LINGO2: variants seen among roughly 807,000 people sequenced by gnomAD.
The protein encoded by LINGO2 is leucine rich repeat and Ig domain containing 2.
Under a neutral mutation model 30.6 loss-of-function variants are expected in LINGO2, and 14 were observed. That is an observed-to-expected ratio of 0.46 (90% CI 0.30 to 0.72). The LOEUF (loss-of-function observed/expected upper bound fraction) is 0.72. Ranked by LOEUF, LINGO2 falls within the 30% of genes least tolerant of loss-of-function variation. The pLI is 0.07. For missense variants in LINGO2, 729 were observed against 751.7 expected, an observed-to-expected ratio of 0.97 and a Z score of 0.35; for synonymous variants, 317 against 288.5, an observed-to-expected ratio of 1.10 and a Z score of -1.00.
chr9:28,139,438 C>T (rs929759602), intron 4 of LINGO2, among the ~76,000 whole-genome samples: 2 of 152,194 alleles, frequency 1.3e-5, no homozygotes, highest in African/African-American at 4.8e-5. Context: ...TATTCATCCA[C>T]TTATGACAAC....
the LINGO2 span, among the ~76,000 whole-genome samples, chr9:28,983,706 C>T: frequency 1.3e-5 from 2 of 151,842 alleles, no homozygotes; most frequent in Non-Finnish European, 2.9e-5. Flanking sequence ...GTAACGATTG[C>T]ATCCATACAG....
chr9:28,933,694 A>T, the LINGO2 span, among the ~76,000 whole-genome samples: 11 of 152,164 alleles, frequency 7.2e-5, no homozygotes, highest in African/African-American at 2.4e-4. Flanking sequence ...AGATGCTGCA[A>T]AACCCACAAA....
the LINGO2 span, among the ~76,000 whole-genome samples, chr9:28,695,697 A>G: frequency 6.6e-6 from 1 of 151,712 alleles, no homozygotes; most frequent in Non-Finnish European, 1.5e-5. Context: ...ATATTGTTGA[A>G]TGAACACAGC....
the LINGO2 span, among the ~76,000 whole-genome samples, chr9:28,832,129 T>A: frequency 6.6e-6 from 1 of 152,222 alleles, no homozygotes; most frequent in Non-Finnish European, 1.5e-5. Context: ...TGAATTTAAA[T>A]TTGATTTTTA....
chr9:27,983,055 T>C (rs1014103185), intron 5 of LINGO2, among the ~76,000 whole-genome samples: 6 of 151,710 alleles, frequency 4.0e-5, no homozygotes, highest in Non-Finnish European at 8.8e-5. Context: ...TATGGAAAAA[T>C]AATTTCCTAA....
At chr9:28,962,850 A>G in the LINGO2 span, among the ~76,000 whole-genome samples, 4 of 151,874 alleles carry the variant, frequency 2.6e-5, no homozygotes, top group Admixed American at 2.0e-4. Flanking sequence ...TCCCTTAAAG[A>G]GATTTACCCA....
the LINGO2 span, among the ~76,000 whole-genome samples, chr9:28,800,864 T>A: frequency 2.6e-5 from 4 of 152,114 alleles, no homozygotes; most frequent in African/African-American, 9.7e-5. Flanking sequence ...GAGTATATAG[T>A]TATTTCCCAG....
chr9:28,779,096 C>T, the LINGO2 span, among the ~76,000 whole-genome samples: 1 of 152,178 alleles, frequency 6.6e-6, no homozygotes, highest in Admixed American at 6.5e-5. Flanking sequence ...CTGCCAGTGG[C>T]ATCTGTTGTA....
At chr9:28,263,038 G>A (rs1353178326) in intron 4 of LINGO2, among the ~76,000 whole-genome samples, 1 of 151,962 alleles carries the variant, frequency 6.6e-6, no homozygotes, top group East Asian at 1.9e-4. Context: ...CGTCTCCTAA[G>A]GCTTAAATTA....
At chr9:28,230,080 A>G (rs965098505) in intron 4 of LINGO2, among the ~76,000 whole-genome samples, 2 of 152,002 alleles carry the variant, frequency 1.3e-5, no homozygotes, top group African/African-American at 4.8e-5. Flanking sequence ...TGTGAGAAAA[A>G]TTAAAATAAC....
At chr9:29,030,598 A>G in the LINGO2 span, among the ~76,000 whole-genome samples, 50 of 152,238 alleles carry the variant, frequency 3.3e-4, no homozygotes, top group African/African-American at 1.2e-3. Flanking sequence ...TCCTCAATTC[A>G]AATTTTCTCA....
chr9:28,816,004 G>C, the LINGO2 span, among the ~76,000 whole-genome samples: 2 of 152,144 alleles, frequency 1.3e-5, no homozygotes, highest in Non-Finnish European at 2.9e-5. Flanking sequence ...CCATCCAGTG[G>C]GAGCCTCCTT....
At chr9:28,427,853 A>C (rs1823477649) in intron 2 of LINGO2, among the ~76,000 whole-genome samples, 2 of 152,116 alleles carry the variant, frequency 1.3e-5, no homozygotes, top group Non-Finnish European at 2.9e-5. Flanking sequence ...AAAGCTCCTA[A>C]TATAGAGCTC....
At chr9:28,402,102 G>T (rs774121620) in intron 2 of LINGO2, among the ~76,000 whole-genome samples, 16 of 152,122 alleles carry the variant, frequency 1.1e-4, no homozygotes, top group Non-Finnish European at 2.4e-4. Flanking sequence ...GGCAACACAA[G>T]CAATTCTAAA....
chr9:29,086,033 A>C, the LINGO2 span, among the ~76,000 whole-genome samples: 1 of 152,132 alleles, frequency 6.6e-6, no homozygotes, highest in Non-Finnish European at 1.5e-5. Flanking sequence ...GCTCAGTGGA[A>C]AAGGTGGGAA....
the LINGO2 span, among the ~76,000 whole-genome samples, chr9:28,815,529 G>C: frequency 6.6e-6 from 1 of 151,960 alleles, no homozygotes; most frequent in Non-Finnish European, 1.5e-5. Context: ...CCCTCAATCT[G>C]CATACATGTT....
At chr9:28,037,683 T>A (rs1031578001) in intron 4 of LINGO2, among the ~76,000 whole-genome samples, 11 of 152,252 alleles carry the variant, frequency 7.2e-5, no homozygotes, top group African/African-American at 1.7e-4. Context: ...ACAGCCAGAA[T>A]TGCCATGGAA....
intron 1 of LINGO2, among the ~76,000 whole-genome samples, chr9:28,665,328 C>T (rs147719717): frequency 1.0e-3 from 156 of 152,128 alleles, no homozygotes; most frequent in Middle Eastern, 3.4e-3. Context: ...TTCACTACCA[C>T]GTATGCCATT....
intron 4 of LINGO2, among the ~76,000 whole-genome samples, chr9:28,250,745 AG>A (rs1822168261): frequency 6.6e-6 from 1 of 152,200 alleles, no homozygotes; most frequent in South Asian, 2.1e-4. Flanking sequence ...TGCCAGCCAC[AG>A]GGACAGCTTG....
Sources: allele counts gnomAD v4.1 joint callset (sites outside exome capture counted in the v4.1 genomes callset), GRCh38; gene constraint gnomAD v4.1.1; transcripts MANE v1.5; gene names NCBI Gene and HGNC (gene_info 2026-07-23, HGNC 2026-07-21).